GRIN2A: variants seen among roughly 807,000 people sequenced by gnomAD.
GRIN2A encodes the protein glutamate receptor ionotropic, NMDA 2A.
In GRIN2A, 22 loss-of-function variants were observed where a neutral mutation model predicts 113.4. The ratio of observed to expected loss-of-function variants is 0.19; its 90% confidence interval spans 0.14 to 0.28. GRIN2A has a LOEUF of 0.28. Ranked by LOEUF, GRIN2A falls within the 10% of genes least tolerant of loss-of-function variation. The pLI is 1.00. For missense variants in GRIN2A, 1,502 were observed against 1,887.0 expected, an observed-to-expected ratio of 0.80 and a Z score of 3.78; for synonymous variants, 827 against 738.4, an observed-to-expected ratio of 1.12 and a Z score of -1.94.
chr16:10,124,129 A>C (rs1379957554), intron 2 of GRIN2A, among the ~76,000 whole-genome samples: 1 of 152,064 alleles, frequency 6.6e-6, no homozygotes, highest in African/African-American at 2.4e-5. Context: ...TAAAAAAGCG[A>C]GGTATTGCAG....
At chr16:9,958,568 C>A (rs1324282920) in intron 2 of GRIN2A, among the ~76,000 whole-genome samples, 1 of 152,066 alleles carries the variant, frequency 6.6e-6, no homozygotes, top group Non-Finnish European at 1.5e-5. Context: ...GATTCTGAAG[C>A]AAATAGTCTG....
At chr16:10,006,666 G>C (rs750565795) in intron 2 of GRIN2A, among the ~76,000 whole-genome samples, 1 of 151,780 alleles carries the variant, frequency 6.6e-6, no homozygotes, top group African/African-American at 2.4e-5. Context: ...TAAAATGTAC[G>C]ACAAATTATT....
At chr16:10,144,530 G>A (rs1042748360) in intron 2 of GRIN2A, among the ~76,000 whole-genome samples, 2 of 152,086 alleles carry the variant, frequency 1.3e-5, no homozygotes, top group Admixed American at 6.5e-5. Flanking sequence ...TCACTACTGA[G>A]TCATAGGAAT....
intron 2 of GRIN2A, among the ~76,000 whole-genome samples, chr16:9,977,523 TGAAAG>T (rs2045798969): frequency 1.3e-5 from 2 of 152,152 alleles, no homozygotes; most frequent in South Asian, 2.1e-4. Context: ...TGTGTAGAAA[TGAAAG>T]GAGAGTTCTG....
intron 2 of GRIN2A, among the ~76,000 whole-genome samples, chr16:9,980,804 C>G (rs1276035850): frequency 8.0e-6 from 1 of 125,332 alleles, no homozygotes; most frequent in African/African-American, 3.2e-5. Context: ...CACATGGACA[C>G]AGGAAGGGGA....
At chr16:9,822,206 A>G in intron 10 of GRIN2A, 58 bp downstream of exon 10, 1 of 1,572,942 alleles carries the variant, frequency 6.4e-7, no homozygotes, top group Non-Finnish European at 8.8e-7. Flanking sequence ...CCGAGAGTCA[A>G]TTTCTGTAAG....
At chr16:10,051,293 C>T (rs2141984980) in intron 2 of GRIN2A, among the ~76,000 whole-genome samples, 1 of 152,296 alleles carries the variant, frequency 6.6e-6, no homozygotes, top group Non-Finnish European at 1.5e-5. Context: ...CAAATAACTG[C>T]AGTCAGTTGT....
chr16:9,991,783 A>G (rs2046118336), intron 2 of GRIN2A, among the ~76,000 whole-genome samples: 1 of 152,204 alleles, frequency 6.6e-6, no homozygotes, highest in Non-Finnish European at 1.5e-5. Context: ...CATCATTCTC[A>G]GCAAACTAAC....
At chr16:9,986,501 AC>A (rs1225129393) in intron 2 of GRIN2A, among the ~76,000 whole-genome samples, 5 of 152,160 alleles carry the variant, frequency 3.3e-5, no homozygotes, top group Non-Finnish European at 7.3e-5. Flanking sequence ...GCGGTGGCTC[AC>A]ACCTGTAATC....
intron 2 of GRIN2A, among the ~76,000 whole-genome samples, chr16:9,986,925 A>G (rs2045989280): frequency 6.6e-6 from 1 of 152,154 alleles, no homozygotes. Context: ...ATAACTTAGC[A>G]TCAAAATCAC....
At chr16:9,854,343 AT>A (rs1354969325) in intron 4 of GRIN2A, among the ~76,000 whole-genome samples, 1 of 151,724 alleles carries the variant, frequency 6.6e-6, no homozygotes, top group Admixed American at 6.6e-5. Context: ...TGGGTATTAA[AT>A]TTCCCCAGAG....
intron 5 of GRIN2A, among the ~76,000 whole-genome samples, chr16:9,844,851 G>T (rs1039776571): frequency 2.0e-5 from 3 of 152,062 alleles, no homozygotes; most frequent in African/African-American, 7.2e-5. Flanking sequence ...AATTTTCTCT[G>T]CATGTCTTTA....
intron 2 of GRIN2A, among the ~76,000 whole-genome samples, chr16:10,131,038 G>A (rs984556308): frequency 6.6e-5 from 10 of 152,222 alleles, no homozygotes; most frequent in African/African-American, 2.2e-4. Context: ...CTCTGCAGTC[G>A]GGACTTTTGT....
chr16:10,109,200 A>G (rs964225575), intron 2 of GRIN2A, among the ~76,000 whole-genome samples: 14 of 152,066 alleles, frequency 9.2e-5, no homozygotes, highest in African/African-American at 2.9e-4. Flanking sequence ...AAAGATACAA[A>G]TTACCAAAGC....
chr16:10,118,246 C>A (rs903770375), intron 2 of GRIN2A, among the ~76,000 whole-genome samples: 1 of 152,120 alleles, frequency 6.6e-6, no homozygotes, highest in African/African-American at 2.4e-5. Flanking sequence ...ATACCCTGAA[C>A]TTTTTAGTTA....
Position 9,891,000 on chromosome 16 carries a change from G to T in GRIN2A, c.1108C>A (p.Arg370=). 6.2e-7 allele frequency: 1 copy of T among 1,606,706 alleles called. No homozygotes were observed. Among genetic ancestry groups the T allele is most frequent in the Non-Finnish European group, 8.5e-7 (1 of 1,173,346 alleles). The change falls in exon 4 of 13, where the codon CGG becomes AGG. Residue 370 remains arginine, a synonymous_variant. Coordinates refer to ENST00000330684, the MANE Select transcript of GRIN2A (RefSeq NM_001134407.3). ...RLVVIVLNKD[R]EWEKVGKWEN... ...AGGATGCTCACCTTTTCCCATTCCC[G>T]GTCTTTGTTCAGCACAATCACCACC...
chr16:9,895,929 T>A (rs1333483880), intron 3 of GRIN2A, among the ~76,000 whole-genome samples: 1 of 152,214 alleles, frequency 6.6e-6, no homozygotes, highest in Non-Finnish European at 1.5e-5. Context: ...TTTGGAAATA[T>A]CCAGTTTGTT....
intron 2 of GRIN2A, among the ~76,000 whole-genome samples, chr16:10,133,514 C>T (rs973568960): frequency 2.0e-5 from 3 of 152,052 alleles, no homozygotes; most frequent in South Asian, 2.1e-4. Flanking sequence ...GGCTGAGGCA[C>T]GAGAAGCGCT....
chr16:9,778,444 C>G (rs1207272120), intron 11 of GRIN2A, among the ~76,000 whole-genome samples: 1 of 152,196 alleles, frequency 6.6e-6, no homozygotes, highest in Non-Finnish European at 1.5e-5. Context: ...ATCAATAGTC[C>G]TCAAAATCTG....
Sources: allele counts gnomAD v4.1 joint callset (sites outside exome capture counted in the v4.1 genomes callset), GRCh38; gene constraint gnomAD v4.1.1; transcripts MANE v1.5; gene names NCBI Gene and HGNC (gene_info 2026-07-23, HGNC 2026-07-21).